The following PHACTR3 variants were observed in gnomAD, a reference collection of about 807,000 sequenced individuals.
PHACTR3 encodes phosphatase and actin regulator 3.
Under a neutral mutation model 66.8 loss-of-function variants are expected in PHACTR3, and 16 were observed. The ratio of observed to expected loss-of-function variants is 0.24; its 90% CI spans 0.16 to 0.36. PHACTR3 has a LOEUF of 0.36. Among genes scored for constraint, PHACTR3 ranks in the 10% least tolerant of loss-of-function variants. The pLI is 1.00. For missense variants in PHACTR3, 647 were observed against 719.9 expected, an observed-to-expected ratio of 0.90 and a Z score of 1.16; for synonymous variants, 323 against 292.1, an observed-to-expected ratio of 1.11 and a Z score of -1.08.
intron 1 of PHACTR3, among the ~76,000 whole-genome samples, chr20:59,622,470 A>G (rs2146368067): frequency 6.6e-6 from 1 of 152,258 alleles, no homozygotes. Context: ...TAATTTACCT[A>G]CTGGTAAATG....
intron 8 of PHACTR3, among the ~76,000 whole-genome samples, chr20:59,826,880 G>A (rs1025917653): frequency 6.6e-6 from 1 of 152,190 alleles, no homozygotes; most frequent in Non-Finnish European, 1.5e-5. Context: ...TACCTTGACT[G>A]TGAGAACAGA....
chr20:59,669,354 C>T (rs2036111922), intron 1 of PHACTR3, among the ~76,000 whole-genome samples: 1 of 152,326 alleles, frequency 6.6e-6, no homozygotes, highest in South Asian at 2.1e-4. Context: ...ATCAGTGCCG[C>T]TTTTCCTCAT....
intron 7 of PHACTR3, among the ~76,000 whole-genome samples, chr20:59,797,883 T>C (rs2041300359): frequency 6.6e-6 from 1 of 152,160 alleles, no homozygotes; most frequent in African/African-American, 2.4e-5. Context: ...TTGCTTTTTT[T>C]TTTAGAGTTT....
At chr20:59,691,567 G>A (rs943087920) in intron 1 of PHACTR3, among the ~76,000 whole-genome samples, 1 of 152,082 alleles carries the variant, frequency 6.6e-6, no homozygotes, top group Non-Finnish European at 1.5e-5. Context: ...TATATTATAT[G>A]TTTTAATAAC....
rs978755123 is a variant in PHACTR3, at chr20:59,732,999, G to T, written c.119-10108G>T. Among the ~76,000 whole-genome samples the T allele has an allele frequency of 2.0e-5, 3 of 151,338 alleles. No individual in the cohort carries two copies. The South Asian group carries it at 6.3e-4, about 32-fold the overall frequency. On this transcript the variant is annotated intron_variant, in intron 1 of 12. Coordinates refer to ENST00000371015, the MANE Select transcript of PHACTR3 (RefSeq NM_080672.5). ...TGAACTTGCAGGGCTGTAGAAAAAA[G>T]CCTATAAGCTTTTAGGAATAGAGCC...
chr20:59,722,643 C>T lies in PHACTR3; in HGVS notation c.119-20464C>T, dbSNP rs935046946. Among the ~76,000 whole-genome samples the T allele has an allele frequency of 5.9e-5, 9 of 152,092 alleles. No individual in the cohort carries two copies. The East Asian group carries it at 9.7e-4, about 16-fold the overall frequency. On this transcript the variant is annotated intron_variant, in intron 1 of 12. Coordinates refer to ENST00000371015, the MANE Select transcript of PHACTR3 (RefSeq NM_080672.5). ...CTTTGCTTCCATAAGGTCAGTGGAC[C>T]GGGAAGTGGCCAGAATGGCAGCTGG...
intron 1 of PHACTR3, among the ~76,000 whole-genome samples, chr20:59,701,527 T>C (rs2037504174): frequency 6.6e-6 from 1 of 152,188 alleles, no homozygotes; most frequent in Non-Finnish European, 1.5e-5. Flanking sequence ...TGGATAGAAA[T>C]AAAGGCATTC....
chr20:59,789,872 C>A (rs745767591), intron 7 of PHACTR3, among the ~76,000 whole-genome samples: 2 of 152,198 alleles, frequency 1.3e-5, no homozygotes, highest in African/African-American at 4.8e-5. Context: ...TCAATTCATG[C>A]AGCCTGAACC....
chr20:59,628,517 C>T, intron 1 of PHACTR3: 1 of 540,088 alleles, frequency 1.9e-6, no homozygotes, highest in Non-Finnish European at 2.4e-6. Flanking sequence ...TGCAGCCGTG[C>T]ATGGGGCCAC....
chr20:59,688,055 G>T (rs2036965027), intron 1 of PHACTR3, among the ~76,000 whole-genome samples: 1 of 152,156 alleles, frequency 6.6e-6, no homozygotes, highest in Non-Finnish European at 1.5e-5. Context: ...ATGGGGTCTT[G>T]CCAGAATGGA....
intron 8 of PHACTR3, among the ~76,000 whole-genome samples, chr20:59,822,387 C>T (rs1032515985): frequency 9.4e-5 from 14 of 149,048 alleles, no homozygotes; most frequent in Admixed American, 2.0e-4. Flanking sequence ...AAAGCAGATG[C>T]GGGGGCTGCC....
At chr20:59,637,497 A>G (rs1397569086) in intron 1 of PHACTR3, among the ~76,000 whole-genome samples, 1 of 152,140 alleles carries the variant, frequency 6.6e-6, no homozygotes, top group Non-Finnish European at 1.5e-5. Flanking sequence ...ATGAAATCCA[A>G]GTTCACAGCT....
intron 1 of PHACTR3, among the ~76,000 whole-genome samples, chr20:59,689,211 G>T (rs1474077508): frequency 2.6e-5 from 4 of 152,244 alleles, no homozygotes; most frequent in Non-Finnish European, 4.4e-5. Context: ...AGCTCAATGG[G>T]TGGGACCCAC....
intron 9 of PHACTR3, 44 bp downstream of exon 9, chr20:59,836,604 G>T: frequency 6.3e-7 from 1 of 1,587,096 alleles, no homozygotes; most frequent in Non-Finnish European, 8.6e-7. Context: ...TTCACGTGTG[G>T]TGAGGCTGTT....
At chr20:59,617,916 C>T (rs370077585) in intron 1 of PHACTR3, among the ~76,000 whole-genome samples, 12 of 152,182 alleles carry the variant, frequency 7.9e-5, no homozygotes, top group African/African-American at 2.4e-4. Context: ...GCCTCATCCT[C>T]GTGGTAGATC....
chr20:59,836,411 G>A, intron 8 of PHACTR3, 94 bp from the exon 9 acceptor site: 2 of 1,212,682 alleles, frequency 1.6e-6, no homozygotes, highest in Non-Finnish European at 1.2e-6. Flanking sequence ...CGATCTATAG[G>A]GGTTTGCCAG....
intron 1 of PHACTR3, among the ~76,000 whole-genome samples, chr20:59,652,427 T>C (rs1424525484): frequency 6.6e-6 from 1 of 152,180 alleles, no homozygotes; most frequent in Non-Finnish European, 1.5e-5. Context: ...CACACTTGTC[T>C]GTAGTGCCAG....
chr20:59,648,739 A>C (rs898318461), intron 1 of PHACTR3, among the ~76,000 whole-genome samples: 1 of 152,200 alleles, frequency 6.6e-6, no homozygotes, highest in Non-Finnish European at 1.5e-5. Flanking sequence ...CTAATTAAAG[A>C]GGACACACTT....
chr20:59,826,690 C>T (rs1310158212), intron 8 of PHACTR3, among the ~76,000 whole-genome samples: 1 of 152,182 alleles, frequency 6.6e-6, no homozygotes. Context: ...CACACACAGT[C>T]CTGGCCCTGC....
Sources: allele counts gnomAD v4.1 joint callset (sites outside exome capture counted in the v4.1 genomes callset), GRCh38; gene constraint gnomAD v4.1.1; transcripts MANE v1.5; gene names NCBI Gene and HGNC (gene_info 2026-07-23, HGNC 2026-07-21).